The following SCD5 variants were observed in gnomAD, a reference collection of about 807,000 sequenced individuals.
The protein encoded by SCD5 is acyl-CoA-desaturase 4.
SCD5 carries 20 observed loss-of-function variants against 30.4 expected under a neutral mutation model. The ratio of observed to expected loss-of-function variants is 0.66; its 90% CI spans 0.46 to 0.96. SCD5 has a LOEUF of 0.96. Among genes scored for constraint, SCD5 ranks in the 40% least tolerant of loss-of-function variants. The pLI, the probability that SCD5 is intolerant of heterozygous loss-of-function variation, is 0.00. For synonymous variants in SCD5, 173 were observed against 176.4 expected (o/e 0.98, Z 0.16); for missense variants, 381 against 443.3 (o/e 0.86, Z 1.26).
intron 1 of SCD5, among the ~76,000 whole-genome samples, chr4:82,747,088 C>T (rs113637416): frequency 0.18 from 25,545 of 141,952 alleles, 2,579 homozygotes; most frequent in African/African-American, 0.28. Flanking sequence ...GAAAGACGAC[C>T]TTCCCACTCC....
chr4:82,756,628 G>C (rs1277313738), intron 1 of SCD5, among the ~76,000 whole-genome samples: 4 of 152,058 alleles, frequency 2.6e-5, no homozygotes, highest in Non-Finnish European at 4.4e-5. Flanking sequence ...GGGAAGCTGA[G>C]GCAGCATTAG....
intron 1 of SCD5, among the ~76,000 whole-genome samples, chr4:82,744,758 C>A (rs1347368535): frequency 6.6e-6 from 1 of 151,876 alleles, no homozygotes; most frequent in Non-Finnish European, 1.5e-5. Context: ...ACTTGCTAGT[C>A]TTCGAGAAGT....
chr4:82,720,688 G>C (rs1369781218), intron 1 of SCD5, among the ~76,000 whole-genome samples: 1 of 152,074 alleles, frequency 6.6e-6, no homozygotes, highest in African/African-American at 2.4e-5. Flanking sequence ...CCAACTACTG[G>C]GATTGTTGGT....
intron 2 of SCD5, among the ~76,000 whole-genome samples, chr4:82,696,833 A>C (rs1488923285): frequency 6.6e-6 from 1 of 152,254 alleles, no homozygotes. Context: ...TGACAGGTAC[A>C]GGGAGAAATG....
chr4:82,773,322 T>A (rs1222552899), intron 1 of SCD5, among the ~76,000 whole-genome samples: 1 of 152,144 alleles, frequency 6.6e-6, no homozygotes, highest in African/African-American at 2.4e-5. Context: ...CCCCATTCCT[T>A]CTCTCTCTGC....
intron 1 of SCD5, among the ~76,000 whole-genome samples, chr4:82,722,937 C>G (rs1720400156): frequency 6.7e-6 from 1 of 149,722 alleles, no homozygotes. Flanking sequence ...ACTAGCCGGG[C>G]ATAGTGGCAG....
At position 82,713,683 on chromosome 4, in the gene SCD5, C is replaced by T. The variant is rs184610593; in HGVS notation, c.233-8270G>A. Among the ~76,000 whole-genome samples the T allele has an allele frequency of 3.3e-5, 5 of 152,322 alleles. No homozygotes were observed. In the East Asian group the frequency reaches 9.6e-4, roughly 29 times the overall value. Reference sequence around the variant, plus strand: ...TCTCAGCTGGCATCTGTGCAACTAACTCAACCAGAGAAAAATACTCAACCA... The same window carrying T: ...TCTCAGCTGGCATCTGTGCAACTAATTCAACCAGAGAAAAATACTCAACCA... On this transcript the variant is annotated intron_variant, in intron 1 of 4. Coordinates refer to ENST00000319540, the MANE Select transcript of SCD5 (RefSeq NM_001037582.3).
At position 82,636,819 on chromosome 4, in the gene SCD5, A is replaced by G; in HGVS notation, c.574T>C (p.Tyr192His). Residue 192 changes from tyrosine to histidine, a missense_variant, in exon 4 of 5, where the codon TAT becomes CAT. By Grantham distance (83) the Tyr-to-His change is moderately conservative. Transcript: ENST00000319540. The part of the protein sequence containing the change: ...DPVVRIQRKY[Y>H]KISVVLMCFV... ...CACATGAGCACCACGGAGATCTTAT[A>G]GTACCTACAGGGCAAGACACCATAT... 1.2e-6 allele frequency: 2 copies of G among 1,610,050 alleles called. No homozygotes were observed. The highest frequency in any genetic ancestry group is 1.7e-6 in the Non-Finnish European group (2 of 1,177,808).
intron 1 of SCD5, among the ~76,000 whole-genome samples, chr4:82,713,205 T>C (rs780717757): frequency 4.6e-5 from 7 of 152,204 alleles, no homozygotes; most frequent in Non-Finnish European, 8.8e-5. Flanking sequence ...AGAGGATACA[T>C]TTCATGCCTT....
chr4:82,685,740 T>C (rs1253253390), intron 2 of SCD5, among the ~76,000 whole-genome samples: 1 of 150,686 alleles, frequency 6.6e-6, no homozygotes, highest in African/African-American at 2.4e-5. Flanking sequence ...AAAAAAAAAC[T>C]AAAAACAAAA....
At position 82,781,042 on chromosome 4, in the gene SCD5, C is replaced by A. The variant is rs76169957; in HGVS notation, c.232+17264G>T. Among the ~76,000 whole-genome samples, 19 of 152,292 alleles carry A rather than the reference C, an allele frequency of 1.2e-4. No individual in the cohort carries two copies. In the East Asian group the frequency reaches 3.5e-3, roughly 28 times the overall value. On this transcript the variant is annotated intron_variant, in intron 1 of 4. Transcript: ENST00000319540. ...TGAAAGGGAGAGAAACGCAGCAGGGCCCCCCAGAGGAGGGCTGGAGAAGCC... is the reference window on the plus strand; with the variant it reads ...TGAAAGGGAGAGAAACGCAGCAGGGACCCCCAGAGGAGGGCTGGAGAAGCC...
Position 82,798,548 on chromosome 4 carries a change from G to C in SCD5, c.-11C>G. 6.4e-7 allele frequency: 1 copy of C among 1,567,580 alleles called. No homozygotes were observed. The highest frequency in any genetic ancestry group is 8.6e-7 in the Non-Finnish European group (1 of 1,157,352). On this transcript the variant is annotated 5_prime_UTR_variant, in exon 1 of 5. Transcript: ENST00000319540. ...GGCCGGGCCTGGCATGGCTGGGCGAGGTGGGCGCCCGCAGCAGCGGCAGGC... is the reference window on the plus strand; with the variant it reads ...GGCCGGGCCTGGCATGGCTGGGCGACGTGGGCGCCCGCAGCAGCGGCAGGC...
intron 1 of SCD5, among the ~76,000 whole-genome samples, chr4:82,766,704 C>A (rs1370967341): frequency 6.6e-6 from 1 of 152,000 alleles, no homozygotes; most frequent in Non-Finnish European, 1.5e-5. Flanking sequence ...TTTTTGTGTT[C>A]CTATAAAGAT....
At chr4:82,700,778 C>T (rs1176512883) in intron 2 of SCD5, among the ~76,000 whole-genome samples, 1 of 107,894 alleles carries the variant, frequency 9.3e-6, no homozygotes, top group South Asian at 3.6e-4. Context: ...CGGAGTGAGA[C>T]CCTGTCTCTA....
In SCD5 at chr4:82,740,170, C is replaced by T. The variant is rs191846232; in HGVS notation, c.233-34757G>A. Among the ~76,000 whole-genome samples, 751 of 152,332 alleles carry T rather than the reference C, an allele frequency of 4.9e-3. 10 individuals are homozygous for T. The highest frequency in any genetic ancestry group is 6.4e-3 in the Non-Finnish European group (433 of 68,020). On this transcript the variant is annotated intron_variant, in intron 1 of 4. Coordinates refer to ENST00000319540, the MANE Select transcript of SCD5 (RefSeq NM_001037582.3). ...TAGCAATTATTTTTAAAATGAAAAACCTGAGCTTTGAATGTAGCGCCCAAA... is the reference window on the plus strand; with the variant it reads ...TAGCAATTATTTTTAAAATGAAAAATCTGAGCTTTGAATGTAGCGCCCAAA...
chr4:82,744,313 CAA>C (rs1334797007), intron 1 of SCD5, among the ~76,000 whole-genome samples: 1 of 152,210 alleles, frequency 6.6e-6, no homozygotes, highest in Non-Finnish European at 1.5e-5. Context: ...CCCACTCATA[CAA>C]ACTAGGAGGG....
intron 1 of SCD5, among the ~76,000 whole-genome samples, chr4:82,771,528 AT>A (rs1721622595): frequency 6.6e-6 from 1 of 152,248 alleles, no homozygotes; most frequent in Non-Finnish European, 1.5e-5. Context: ...TACTAGAAAA[AT>A]ACAGTTACTG....
At chr4:82,792,982 A>C (rs1470390035) in intron 1 of SCD5, among the ~76,000 whole-genome samples, 1 of 152,138 alleles carries the variant, frequency 6.6e-6, no homozygotes, top group Admixed American at 6.6e-5. Context: ...ATCTATGTTC[A>C]TACTTGTTGG....
chr4:82,756,151 A>T (rs1340742643), intron 1 of SCD5, among the ~76,000 whole-genome samples: 1 of 152,172 alleles, frequency 6.6e-6, no homozygotes, highest in Non-Finnish European at 1.5e-5. Flanking sequence ...GGAAACCAGC[A>T]TCTCTCTCCA....
Sources: allele counts gnomAD v4.1 joint callset (sites outside exome capture counted in the v4.1 genomes callset), GRCh38; gene constraint gnomAD v4.1.1; transcripts MANE v1.5; gene names NCBI Gene and HGNC (gene_info 2026-07-23, HGNC 2026-07-21).